Variants in GRID2 observed in about 807,000 individuals in gnomAD.
The protein encoded by GRID2 is glutamate ionotropic receptor delta type subunit 2.
GRID2 carries 33 observed loss-of-function variants against 114.8 expected under a neutral mutation model. That is an observed-to-expected ratio of 0.29 (90% CI 0.22 to 0.38). The LOEUF (loss-of-function observed/expected upper bound fraction) is 0.38, where lower values mean the gene tolerates loss of function less well. Among genes scored for constraint, GRID2 ranks in the 10% least tolerant of loss-of-function variants. The pLI, the probability that GRID2 is intolerant of heterozygous loss-of-function variation, is 1.00. For missense variants in GRID2, 1,184 were observed against 1,257.7 expected (o/e 0.94, Z 0.89); for synonymous variants, 505 against 449.9 (o/e 1.12, Z -1.55).
At chr4:93,137,821 G>C (rs1405879046) in intron 4 of GRID2, among the ~76,000 whole-genome samples, 1 of 151,988 alleles carries the variant, frequency 6.6e-6, no homozygotes, top group African/African-American at 2.4e-5. Context: ...TCTACCTCAA[G>C]AGTGATGTTT....
At chr4:93,024,126 C>G (rs1723658094) in intron 2 of GRID2, among the ~76,000 whole-genome samples, 1 of 151,776 alleles carries the variant, frequency 6.6e-6, no homozygotes, top group African/African-American at 2.4e-5. Flanking sequence ...CTTGTTAATT[C>G]AAAACCTGGC....
At chr4:93,155,737 G>T (rs984582064) in intron 4 of GRID2, among the ~76,000 whole-genome samples, 1 of 151,788 alleles carries the variant, frequency 6.6e-6, no homozygotes, top group Non-Finnish European at 1.5e-5. Flanking sequence ...TGTGGACAGA[G>T]CATAAAACAC....
chr4:92,605,338 G>C (rs1729406201), intron 2 of GRID2, among the ~76,000 whole-genome samples: 1 of 151,958 alleles, frequency 6.6e-6, no homozygotes, highest in Admixed American at 6.6e-5. Flanking sequence ...TCACTTATTT[G>C]TAGGATACTT....
At chr4:92,879,072 A>G (rs1201552232) in intron 2 of GRID2, among the ~76,000 whole-genome samples, 1 of 152,192 alleles carries the variant, frequency 6.6e-6, no homozygotes, top group Non-Finnish European at 1.5e-5. Flanking sequence ...TGTTAAAAGC[A>G]TATAGAATTG....
chr4:92,454,246 C>T (rs1022895580), intron 1 of GRID2, among the ~76,000 whole-genome samples: 15 of 152,076 alleles, frequency 9.9e-5, no homozygotes, highest in African/African-American at 3.4e-4. Context: ...TTATTGGACA[C>T]CTGGCTTCAA....
chr4:93,391,076 C>A (rs1339915966), intron 8 of GRID2, among the ~76,000 whole-genome samples: 1 of 152,102 alleles, frequency 6.6e-6, no homozygotes, highest in East Asian at 1.9e-4. Flanking sequence ...ACGACTACTA[C>A]TTTATAGTAA....
chr4:93,314,292 A>C (rs1696495353), intron 8 of GRID2, among the ~76,000 whole-genome samples: 1 of 118,880 alleles, frequency 8.4e-6, no homozygotes, highest in Non-Finnish European at 1.6e-5. Context: ...TGACATCGTG[A>C]GAGTCTGTCT....
chr4:92,841,372 A>C (rs994031939), intron 2 of GRID2, among the ~76,000 whole-genome samples: 3 of 151,980 alleles, frequency 2.0e-5, no homozygotes, highest in Non-Finnish European at 4.4e-5. Flanking sequence ...TCATCTTTCC[A>C]CAGTTATAAT....
At chr4:93,354,670 CCGTGTGTGTG>C (rs1163408045) in intron 8 of GRID2, among the ~76,000 whole-genome samples, 2 of 89,850 alleles carry the variant, frequency 2.2e-5, no homozygotes, top group Admixed American at 1.3e-4. Flanking sequence ...GGTGGCTCAT[CCGTGTGTGTG>C]TGTGTGTGTG....
At chr4:92,595,220 T>G (rs1039209083) in intron 2 of GRID2, among the ~76,000 whole-genome samples, 7 of 151,980 alleles carry the variant, frequency 4.6e-5, no homozygotes, top group African/African-American at 1.4e-4. Flanking sequence ...TATAATACTT[T>G]TTTATGTATT....
At chr4:93,242,525 C>T (rs1361581049) in intron 8 of GRID2, among the ~76,000 whole-genome samples, 2 of 151,904 alleles carry the variant, frequency 1.3e-5, no homozygotes, top group Non-Finnish European at 2.9e-5. Context: ...AGAACATTGG[C>T]AAGGCAATGG....
At chr4:92,545,478 G>T (rs371044490) in intron 1 of GRID2, among the ~76,000 whole-genome samples, 1 of 152,096 alleles carries the variant, frequency 6.6e-6, no homozygotes, top group Non-Finnish European at 1.5e-5. Flanking sequence ...ATTCTAAAAC[G>T]TCAGGTTGAT....
At chr4:92,440,889 T>A (rs1049572486) in intron 1 of GRID2, among the ~76,000 whole-genome samples, 1 of 152,032 alleles carries the variant, frequency 6.6e-6, no homozygotes, top group Non-Finnish European at 1.5e-5. Flanking sequence ...GGAGACTCAA[T>A]AAAGAGTGAG....
intron 2 of GRID2, among the ~76,000 whole-genome samples, chr4:92,770,415 C>A (rs1321737611): frequency 2.0e-5 from 3 of 152,150 alleles, no homozygotes; most frequent in Admixed American, 6.5e-5. Flanking sequence ...TGCCTGTTAC[C>A]CAATTCCAAA....
chr4:93,456,114 C>T, intron 11 of GRID2, 140 bp downstream of exon 11: 1 of 611,556 alleles, frequency 1.6e-6, no homozygotes. Flanking sequence ...CAGAAAAGAA[C>T]ATTTGCTACT....
chr4:92,907,130 A>G (rs966351819), intron 2 of GRID2, among the ~76,000 whole-genome samples: 2 of 152,152 alleles, frequency 1.3e-5, no homozygotes, highest in Non-Finnish European at 2.9e-5. Flanking sequence ...ATGATCATCA[A>G]CCAGTATATG....
At chr4:93,791,383 T>C (rs1734691348) in intron 1 of GRID2, among the ~76,000 whole-genome samples, 1 of 152,120 alleles carries the variant, frequency 6.6e-6, no homozygotes. Flanking sequence ...TAAGGAAACT[T>C]CAGCAACATT....
intron 2 of GRID2, among the ~76,000 whole-genome samples, chr4:92,612,384 A>G (rs1729798058): frequency 6.6e-6 from 1 of 151,436 alleles, no homozygotes; most frequent in Admixed American, 6.6e-5. Context: ...TTGAACTGTA[A>G]GTTTTCCAAC....
chr4:93,669,574 G>T (rs1380305121), intron 14 of GRID2, among the ~76,000 whole-genome samples: 2 of 152,204 alleles, frequency 1.3e-5, no homozygotes, highest in East Asian at 3.9e-4. Context: ...AATATATTCA[G>T]TCTTTGAACT....
Sources: gnomAD v4.1 joint callset for allele counts (sites outside exome capture counted in the v4.1 genomes callset) on GRCh38, gnomAD v4.1.1 for gene constraint, MANE v1.5 for transcripts, NCBI Gene and HGNC (gene_info 2026-07-23, HGNC 2026-07-21) for gene names.